HACD3: variants seen among roughly 807,000 people sequenced by gnomAD.
The protein encoded by HACD3 is 3-hydroxyacyl-CoA dehydratase 3, also known as very-long-chain (3R)-3-hydroxyacyl-CoA dehydratase 3.
A neutral mutation model predicts 55.2 loss-of-function variants in HACD3; 30 were observed. The ratio of observed to expected loss-of-function variants is 0.54; its 90% CI spans 0.41 to 0.74. HACD3 has a LOEUF of 0.74. Ranked by LOEUF, HACD3 falls within the 30% of genes least tolerant of loss-of-function variation. The pLI is 0.00. For missense variants in HACD3, 363 were observed against 440.1 expected (o/e 0.82, Z 1.57); for synonymous variants, 141 against 151.7 (o/e 0.93, Z 0.52).
chr15:65,530,484 G>A lies in HACD3; in HGVS notation c.-148G>A, dbSNP rs2071883994. On this transcript the variant is annotated 5_prime_UTR_variant, in exon 1 of 11. Transcript: ENST00000261875. The stretch of plus-strand genomic sequence containing the variant: ...GCGCGTCACTGCGCAGGCGCGGCCC[G>A]CGAGCGTGGGGTATCTCGAGGTGCC... 3 of 630,056 alleles carry A rather than the reference G, an allele frequency of 4.8e-6. No homozygotes were observed. The highest frequency in any genetic ancestry group is 7.0e-5 in the East Asian group (2 of 28,418). The allele number at this position is 630,056 out of a possible 1,614,324, so 39.0% of individuals were successfully genotyped here.
Position 65,564,209 on chromosome 15 carries a change from C to T in HACD3, c.533-6C>T. 1 of 1,611,556 alleles carries T rather than the reference C, an allele frequency of 6.2e-7. No individual in the cohort carries two copies. Among genetic ancestry groups the T allele is most frequent in the Non-Finnish European group, 8.5e-7 (1 of 1,178,704 alleles). The stretch of plus-strand genomic sequence containing the variant: ...ATTCACCCTTAATGTATATTTTTGC[C>T]TATAGAGTCCTTTTATGACACATTC... On this transcript the variant is annotated splice_region_variant and splice_polypyrimidine_tract_variant and intron_variant, in intron 6 of 10. Transcript: ENST00000261875.
intron 5 of HACD3, among the ~76,000 whole-genome samples, chr15:65,559,896 T>G (rs917424834): frequency 3.3e-5 from 5 of 152,192 alleles, no homozygotes; most frequent in Non-Finnish European, 5.9e-5. Flanking sequence ...CTTTAACTGT[T>G]TTACCTAAAT....
chr15:65,567,150 C>T (rs1168279677), intron 7 of HACD3, among the ~76,000 whole-genome samples: 1 of 151,330 alleles, frequency 6.6e-6, no homozygotes, highest in Non-Finnish European at 1.5e-5. Context: ...TAGTGAGACC[C>T]CATTTCTAAA....
intron 7 of HACD3, among the ~76,000 whole-genome samples, chr15:65,567,500 A>G (rs1163332238): frequency 6.6e-6 from 1 of 152,156 alleles, no homozygotes; most frequent in Non-Finnish European, 1.5e-5. Flanking sequence ...TAGTTCTCAT[A>G]TTTCCCTGTA....
chr15:65,543,052 G>A (rs1308304502), intron 1 of HACD3, among the ~76,000 whole-genome samples: 9 of 14,910 alleles, frequency 6.0e-4, no homozygotes, highest in Admixed American at 2.0e-3. Context: ...CCAGCCTGGC[G>A]ACAGTGGGAC....
intron 8 of HACD3, 120 bp downstream of exon 8, chr15:65,570,323 T>C: frequency 1.4e-6 from 1 of 704,032 alleles, no homozygotes; most frequent in Admixed American, 3.1e-5. Context: ...ATTACATATG[T>C]GGAGAATTCT....
intron 1 of HACD3, among the ~76,000 whole-genome samples, chr15:65,536,439 A>T (rs1454526244): frequency 1.3e-5 from 2 of 152,244 alleles, no homozygotes; most frequent in African/African-American, 4.8e-5. Flanking sequence ...TCTGAGACAC[A>T]ACAATATTGA....
chr15:65,560,050 T>G (rs903814073), intron 5 of HACD3, among the ~76,000 whole-genome samples: 6 of 151,732 alleles, frequency 4.0e-5, no homozygotes, highest in African/African-American at 7.3e-5. Flanking sequence ...CTGTGTTGTT[T>G]TTTTTTTTTT....
At chr15:65,533,562 C>G (rs2071923740) in intron 1 of HACD3, among the ~76,000 whole-genome samples, 1 of 151,870 alleles carries the variant, frequency 6.6e-6, no homozygotes, top group South Asian at 2.1e-4. Context: ...TCAGAGTAAC[C>G]TTGTCTGAGG....
At chr15:65,536,865 T>G (rs568185854) in intron 1 of HACD3, among the ~76,000 whole-genome samples, 1 of 152,314 alleles carries the variant, frequency 6.6e-6, no homozygotes, top group African/African-American at 2.4e-5. Context: ...GAGGAAGGCA[T>G]GTCAAAACTG....
intron 1 of HACD3, among the ~76,000 whole-genome samples, chr15:65,538,319 A>G (rs2071984878): frequency 6.6e-6 from 1 of 152,314 alleles, no homozygotes; most frequent in Admixed American, 6.5e-5. Context: ...AAATATAAAA[A>G]TGAACAGGAG....
chr15:65,530,814 G>A (rs1452186951), intron 1 of HACD3, 96 bp downstream of exon 1: 19 of 1,205,770 alleles, frequency 1.6e-5, no homozygotes, highest in Non-Finnish European at 2.0e-5. Context: ...GCGCCGGAGA[G>A]CCTGCAGTGC....
intron 10 of HACD3, among the ~76,000 whole-genome samples, chr15:65,575,843 A>G (rs1359309157): frequency 6.6e-6 from 1 of 152,246 alleles, no homozygotes; most frequent in Non-Finnish European, 1.5e-5. Flanking sequence ...CTGTAATCCC[A>G]GTACTTTGGG....
At chr15:65,571,469 CT>C (rs2072346837) in intron 8 of HACD3, 78 bp from the exon 9 acceptor site, 1 of 1,003,406 alleles carries the variant, frequency 1.0e-6, no homozygotes, top group East Asian at 2.6e-5. Context: ...AAATAGAATT[CT>C]TCTATTTAAA....
rs539132527 is a variant in HACD3 at position 65,570,129 on chromosome 15, C to T, written c.699C>T (p.Gly233=). The T allele has an allele frequency of 7.4e-6, 12 of 1,612,322 alleles. No homozygotes were observed. The Admixed American group carries it at 8.4e-5, about 11-fold the overall frequency. The change falls in exon 8 of 11, where the codon GGC becomes GGT. Residue 233 remains glycine, a synonymous_variant. Coordinates refer to ENST00000261875, the MANE Select transcript of HACD3 (RefSeq NM_016395.4). ...ATTTTATTTTGTTTATCATCTTTGG[C>T]ACCATGGAAGAAATGCAGAACAAAG... ...GRNFILFIIF[G]TMEEMQNKAV... is the part of the protein sequence containing the mutation.
At chr15:65,541,506 A>T (rs1433599073) in intron 1 of HACD3, among the ~76,000 whole-genome samples, 1 of 152,200 alleles carries the variant, frequency 6.6e-6, no homozygotes, top group African/African-American at 2.4e-5. Flanking sequence ...AGATGGTGTT[A>T]AAAAAGACCT....
At chr15:65,544,582 G>A (rs1256622076) in intron 1 of HACD3, among the ~76,000 whole-genome samples, 11 of 151,952 alleles carry the variant, frequency 7.2e-5, no homozygotes, top group Admixed American at 1.3e-4. Context: ...GTACACAGTA[G>A]GTGTGTATAT....
rs115850449 is a variant in HACD3 at position 65,564,662 on chromosome 15, G to A, written c.660+320G>A. ...GAGAATAGCATGGGAAAGACCGGCC[G>A]CACTGATTCATTTACCTCCCCCTAG... On this transcript the variant is annotated intron_variant, in intron 7 of 10. Coordinates refer to ENST00000261875, the MANE Select transcript of HACD3 (RefSeq NM_016395.4). The A allele has an allele frequency of 1.8e-3, 364 of 205,718 alleles. 2 individuals carry two copies. The highest frequency in any genetic ancestry group is 7.9e-3 in the African/African-American group (334 of 42,516). The allele number at this position is 205,718 out of a possible 1,614,324, so 12.7% of individuals were successfully genotyped here. A position where few individuals can be genotyped will look rare whatever the true frequency, so the allele number is the denominator to read the frequency against.
intron 1 of HACD3, among the ~76,000 whole-genome samples, chr15:65,543,061 AC>A (rs1227818997): frequency 5.4e-5 from 8 of 148,608 alleles, no homozygotes; most frequent in Non-Finnish European, 1.2e-4. Context: ...CGACAGTGGG[AC>A]TCTGTCTCTC....
Sources: gnomAD v4.1 joint callset for allele counts (sites outside exome capture counted in the v4.1 genomes callset) on GRCh38, gnomAD v4.1.1 for gene constraint, MANE v1.5 for transcripts, NCBI Gene and HGNC (gene_info 2026-07-23, HGNC 2026-07-21) for gene names.